The following KAZN variants were observed in gnomAD, a reference collection of about 807,000 sequenced individuals.
KAZN encodes the protein kazrin, periplakin interacting protein, also known as kazrin.
A neutral mutation model predicts 87.4 loss-of-function variants in KAZN; 40 were observed. The observed-to-expected ratio is 0.46, with a 90% CI of 0.36 to 0.60. The LOEUF (loss-of-function observed/expected upper bound fraction) is 0.60, where lower values mean the gene tolerates loss of function less well. Ranked by LOEUF, KAZN falls within the 20% of genes least tolerant of loss-of-function variation. The pLI is 0.00. For missense variants in KAZN, 898 were observed against 1,073.9 expected, an observed-to-expected ratio of 0.84 and a Z score of 2.29; for synonymous variants, 466 against 458.3, an observed-to-expected ratio of 1.02 and a Z score of -0.22.
At chr1:14,357,540 T>C (rs1310506609) in intron 2 of KAZN, among the ~76,000 whole-genome samples, 4 of 152,232 alleles carry the variant, frequency 2.6e-5, no homozygotes, top group African/African-American at 9.6e-5. Context: ...GCCCATTCAG[T>C]ATGATATTGG....
chr1:15,002,323 G>T (rs1264408518), intron 2 of KAZN, among the ~76,000 whole-genome samples: 1 of 152,212 alleles, frequency 6.6e-6, no homozygotes, highest in Non-Finnish European at 1.5e-5. Flanking sequence ...TGAGTTTACA[G>T]AGAGAAATCT....
chr1:15,039,686 A>G (rs1672699303), intron 3 of KAZN, among the ~76,000 whole-genome samples: 1 of 152,236 alleles, frequency 6.6e-6, no homozygotes, highest in Non-Finnish European at 1.5e-5. Flanking sequence ...AGTAATTAAC[A>G]TATCCATCTC....
intron 2 of KAZN, among the ~76,000 whole-genome samples, chr1:14,484,043 T>C (rs984716543): frequency 6.6e-6 from 1 of 152,250 alleles, no homozygotes; most frequent in Non-Finnish European, 1.5e-5. Context: ...TGTACTTTCT[T>C]GGCATCTTTA....
At chr1:14,318,802 G>C (rs1167059100) in intron 2 of KAZN, among the ~76,000 whole-genome samples, 1 of 151,810 alleles carries the variant, frequency 6.6e-6, no homozygotes, top group Admixed American at 6.6e-5. Context: ...TATTTAATTT[G>C]ATGGATTTAG....
intron 1 of KAZN, among the ~76,000 whole-genome samples, chr1:13,981,115 A>ATG: frequency 2.2e-5 from 3 of 137,180 alleles, no homozygotes; most frequent in Non-Finnish European, 3.1e-5. Context: ...ATATATGTAT[A>ATG]TATAAACACA....
intron 1 of KAZN, among the ~76,000 whole-genome samples, chr1:14,602,869 G>A (rs887090106): frequency 9.9e-5 from 15 of 152,190 alleles, no homozygotes; most frequent in African/African-American, 2.2e-4. Flanking sequence ...GCAAGTGGAC[G>A]TGCTGATAGC....
At chr1:14,223,148 A>AG (rs1647145790) in intron 2 of KAZN, 1 of 152,212 alleles carries the variant, frequency 6.6e-6, no homozygotes, top group Non-Finnish European at 1.5e-5. Context: ...GGATGGTGGA[A>AG]GAGCTCTCTG....
intron 2 of KAZN, among the ~76,000 whole-genome samples, chr1:14,579,477 C>T (rs1333892830): frequency 6.6e-6 from 1 of 151,644 alleles, no homozygotes; most frequent in African/African-American, 2.4e-5. Flanking sequence ...TACAAAAAAG[C>T]AGCTGGGCGT....
At chr1:14,902,416 G>A (rs1264374816) in intron 1 of KAZN, among the ~76,000 whole-genome samples, 1 of 152,010 alleles carries the variant, frequency 6.6e-6, no homozygotes, top group Admixed American at 6.6e-5. Flanking sequence ...TTTTAGTAGA[G>A]ACGGGGTTTC....
intron 1 of KAZN, among the ~76,000 whole-genome samples, chr1:14,771,529 AAG>A (rs1321762568): frequency 6.6e-6 from 1 of 152,036 alleles, no homozygotes; most frequent in Admixed American, 6.5e-5. Context: ...GTTGGGGAAC[AAG>A]AGTCTAGGAT....
chr1:14,980,275 G>A (rs1221835393), intron 2 of KAZN, among the ~76,000 whole-genome samples: 1 of 152,186 alleles, frequency 6.6e-6, no homozygotes. Flanking sequence ...GTTTAAACTG[G>A]GAGAGTTTTG....
chr1:14,514,624 TATA>T (rs1671205007), intron 2 of KAZN, among the ~76,000 whole-genome samples: 1 of 74,366 alleles, frequency 1.3e-5, no homozygotes, highest in Non-Finnish European at 2.7e-5. Flanking sequence ...TATATATATA[TATA>T]TATATATATA....
At chr1:14,753,132 T>C (rs1644460209) in intron 1 of KAZN, among the ~76,000 whole-genome samples, 1 of 152,180 alleles carries the variant, frequency 6.6e-6, no homozygotes, top group African/African-American at 2.4e-5. Context: ...GATCCATCAT[T>C]GGAGGGCACT....
chr1:14,201,920 G>A (rs942038822), intron 2 of KAZN, among the ~76,000 whole-genome samples: 2 of 152,164 alleles, frequency 1.3e-5, no homozygotes, highest in Admixed American at 6.5e-5. Flanking sequence ...CGCCTGCCTC[G>A]GCCTCCCAAA....
At chr1:14,244,985 G>C (rs1288496963) in intron 2 of KAZN, among the ~76,000 whole-genome samples, 3 of 151,944 alleles carry the variant, frequency 2.0e-5, no homozygotes, top group Non-Finnish European at 2.9e-5. Flanking sequence ...TTTGGAGATG[G>C]AGTCTTGCTC....
intron 2 of KAZN, among the ~76,000 whole-genome samples, chr1:14,513,968 C>T (rs1571835675): frequency 6.6e-6 from 1 of 151,796 alleles, no homozygotes; most frequent in Non-Finnish European, 1.5e-5. Context: ...ACATATTTAA[C>T]CATTTGAAGT....
chr1:14,715,776 G>A (rs1313568100), intron 1 of KAZN, among the ~76,000 whole-genome samples: 2 of 152,098 alleles, frequency 1.3e-5, no homozygotes, highest in African/African-American at 2.4e-5. Context: ...GGGTTAAGTC[G>A]GTATTTAAAA....
Position 14,622,507 on chromosome 1 carries a change from G to A in KAZN, c.226+23284G>A, listed in dbSNP as rs544342151. Among the ~76,000 whole-genome samples the A allele has an allele frequency of 1.8e-4, 27 of 152,004 alleles. 1 individual carries two copies. In the East Asian group the frequency reaches 5.2e-3, roughly 29 times the overall value. ...AGATCGACACCATCCTGGCGAACAC[G>A]GTGAAACCCCGTCTCTACTAAAAAT... On this transcript the variant is annotated intron_variant, in intron 1 of 14. Coordinates refer to ENST00000376030, the MANE Select transcript of KAZN (RefSeq NM_201628.3).
intron 2 of KAZN, among the ~76,000 whole-genome samples, chr1:14,557,464 T>G (rs1673954292): frequency 6.6e-6 from 1 of 152,102 alleles, no homozygotes; most frequent in Non-Finnish European, 1.5e-5. Flanking sequence ...GAAGTTGGCA[T>G]AGGTACATTT....
Sources: allele counts gnomAD v4.1 joint callset (sites outside exome capture counted in the v4.1 genomes callset), GRCh38; gene constraint gnomAD v4.1.1; transcripts MANE v1.5; gene names NCBI Gene and HGNC (gene_info 2026-07-23, HGNC 2026-07-21).